CLTC: variants seen among roughly 807,000 people sequenced by gnomAD.
CLTC encodes clathrin heavy chain 1.
In CLTC, 16 loss-of-function variants were observed where a neutral mutation model predicts 195.8. That is an observed-to-expected ratio of 0.08 (90% CI 0.06 to 0.12). The LOEUF is 0.12. CLTC is among the 10% of genes least tolerant of loss of function. The pLI is 1.00. For synonymous variants in CLTC, 667 were observed against 689.4 expected, an observed-to-expected ratio of 0.97 and a Z score of 0.51; for missense variants, 796 against 2,027.0, an observed-to-expected ratio of 0.39 and a Z score of 11.66.
chr17:59,681,858 T>C lies in CLTC; in HGVS notation c.3442+19T>C, dbSNP rs2033088151. On this transcript the variant is annotated intron_variant, in intron 21 of 31. Coordinates refer to ENST00000269122, the MANE Select transcript of CLTC (RefSeq NM_004859.4). This position sits in a 1 kb window ranked among gnomAD's most constrained non-coding sequence, Gnocchi z 5.0. ...ACTAGTGGTATGACTTCTTACCTTA[T>C]GTATTGAAACCTCATAAAATGATTA... 3 of 1,586,044 alleles carry C rather than the reference T, an allele frequency of 1.9e-6. No individual in the cohort carries two copies. The highest frequency in any genetic ancestry group is 2.6e-6 in the Non-Finnish European group (3 of 1,162,234).
In CLTC at chr17:59,696,549, A is replaced by AG. The variant is rs2033430960; in HGVS notation, c.*2697_*2698insG. ...TTAAATAGTTTCTAACAAGATGACTATCAGGAAGCTATGTGGCTTGGGGAG... is the reference window on the plus strand; with the variant it reads ...TTAAATAGTTTCTAACAAGATGACTAGTCAGGAAGCTATGTGGCTTGGGGAG... On this transcript the variant is annotated 3_prime_UTR_variant, in exon 32 of 32. Coordinates refer to ENST00000269122, the MANE Select transcript of CLTC (RefSeq NM_004859.4). 2 of 212,018 alleles carry AG rather than the reference A, an allele frequency of 9.4e-6. No homozygotes were observed. Among genetic ancestry groups the AG allele is most frequent in the Admixed American group, 1.2e-4 (2 of 17,096 alleles). 13.1% of individuals were successfully genotyped at this position (212,018 alleles called of 1,614,324 possible).
chr17:59,619,921 C>G lies in CLTC; in HGVS notation c.-211C>G. 1 of 540,128 alleles carries G rather than the reference C, an allele frequency of 1.9e-6. No individual in the cohort carries two copies. The highest frequency in any genetic ancestry group is 3.3e-6 in the Non-Finnish European group (1 of 301,238). 33.5% of individuals were successfully genotyped at this position (540,128 alleles called of 1,614,324 possible). ...GCCGTTTCCGGAGTCTGCGCTGCGC[C>G]CGGTTCCGCCATTGCGGCTCTCCTG... On this transcript the variant is annotated 5_prime_UTR_variant, in exon 1 of 32. Coordinates refer to ENST00000269122, the MANE Select transcript of CLTC (RefSeq NM_004859.4).
intron 14 of CLTC, among the ~76,000 whole-genome samples, chr17:59,670,282 T>C (rs1197257962): frequency 7.8e-6 from 1 of 128,568 alleles, no homozygotes; most frequent in African/African-American, 2.6e-5. Context: ...GTTGGGTTTT[T>C]TTTTTTGTTT....
In CLTC at chr17:59,666,525, C is replaced by T; in HGVS notation, c.1828C>T (p.Arg610Trp). The change falls in exon 12 of 32, where the codon CGG becomes TGG. Residue 610 changes from arginine to tryptophan, a missense_variant. By Grantham distance (101) the Arg-to-Trp change is moderately radical. Coordinates refer to ENST00000269122, the MANE Select transcript of CLTC (RefSeq NM_004859.4). This position sits in a 1 kb window ranked among gnomAD's most constrained non-coding sequence, Gnocchi z 4.9. Reference sequence around the variant, plus strand: ...CAATCAGATGTTCACACATTATGACCGGGCTCATATTGCTCAACTGTGTGA... The same window carrying T: ...CAATCAGATGTTCACACATTATGACTGGGCTCATATTGCTCAACTGTGTGA... ...LGNQMFTHYD[R>W]AHIAQLCEKA... is the part of the protein sequence containing the mutation. 3 of 1,614,016 alleles carry T rather than the reference C, an allele frequency of 1.9e-6. No homozygotes were observed. Among genetic ancestry groups the T allele is most frequent in the Non-Finnish European group, 1.7e-6 (2 of 1,179,970 alleles).
chr17:59,643,698 C>G (rs920417809), intron 1 of CLTC, among the ~76,000 whole-genome samples: 27 of 152,164 alleles, frequency 1.8e-4, no homozygotes, highest in African/African-American at 5.8e-4. Context: ...TGAGAATTCT[C>G]TCGCCTGCCT....
Position 59,647,591 on chromosome 17 carries a change from T to G in CLTC, c.444T>G (p.Leu148=). 1 of 1,614,154 alleles carries G rather than the reference T, an allele frequency of 6.2e-7. No individual in the cohort carries two copies. ...AAATGTTTGATCGCCATTCTAGCCT[T>G]GCAGGGTGCCAGATTATCAATTACC... ...PVKMFDRHSS[L]AGCQIINYRT... is the part of the protein sequence containing the mutation. The change falls in exon 3 of 32, where the codon CTT becomes CTG. Residue 148 remains leucine (L), a synonymous_variant. Transcript: ENST00000269122.
intron 31 of CLTC, among the ~76,000 whole-genome samples, chr17:59,692,886 C>T (rs955730409): frequency 3.3e-5 from 5 of 152,168 alleles, no homozygotes; most frequent in African/African-American, 9.7e-5. Context: ...GATCCACCCT[C>T]CTCGGCCTCC....
intron 1 of CLTC, among the ~76,000 whole-genome samples, chr17:59,630,524 AT>A (rs1452312531): frequency 6.6e-6 from 1 of 152,044 alleles, no homozygotes; most frequent in Non-Finnish European, 1.5e-5. Context: ...GTTCCAAGAC[AT>A]TTTCATCTCC....
chr17:59,691,495 A>G (rs2033297034), intron 31 of CLTC, among the ~76,000 whole-genome samples: 1 of 151,938 alleles, frequency 6.6e-6, no homozygotes, highest in African/African-American at 2.4e-5. Flanking sequence ...GTGGTGGCAC[A>G]TGCCTGTAGT....
At chr17:59,689,281 A>G (rs957342713) in intron 30 of CLTC, 5 of 152,194 alleles carry the variant, frequency 3.3e-5, no homozygotes, top group Admixed American at 1.3e-4. Flanking sequence ...ATATGAAACA[A>G]TTAAATATAA....
chr17:59,632,328 A>T (rs2031745873), intron 1 of CLTC, among the ~76,000 whole-genome samples: 1 of 148,784 alleles, frequency 6.7e-6, no homozygotes, highest in African/African-American at 2.5e-5. Flanking sequence ...AGATAGCTCC[A>T]CTGCACTCCA....
chr17:59,683,907 G>A lies in CLTC; in HGVS notation c.4356G>A (p.Leu1452=). 1 of 1,613,828 alleles carries A rather than the reference G, an allele frequency of 6.2e-7. No individual in the cohort carries two copies. Among genetic ancestry groups the A allele is most frequent in the African/African-American group, 1.3e-5 (1 of 75,026 alleles). The change falls in exon 28 of 32, where the codon TTG becomes TTA. Residue 1452 remains leucine, a synonymous_variant. Transcript: ENST00000269122. This position sits in a 1 kb window ranked among gnomAD's most constrained non-coding sequence, Gnocchi z 6.1. The part of the protein sequence containing the change: ...VKQLPLVKPY[L]RSVQNHNNKS... ...AGCTACCACTGGTGAAACCGTATTT[G>A]CGTTCAGTTCAGAACCATAACAACA... is the stretch of plus-strand genomic sequence containing the variant.
intron 1 of CLTC, among the ~76,000 whole-genome samples, chr17:59,623,694 T>C (rs1241600269): frequency 6.6e-6 from 1 of 152,260 alleles, no homozygotes; most frequent in African/African-American, 2.4e-5. Flanking sequence ...ATTCAAATTA[T>C]ATTTAACAAG....
Position 59,694,062 on chromosome 17 carries a change from G to T in CLTC, c.*210G>T, listed in dbSNP as rs1464746445. The T allele has an allele frequency of 1.7e-5, 7 of 410,960 alleles. No individual in the cohort carries two copies. Among genetic ancestry groups the T allele is most frequent in the South Asian group, 5.5e-5 (1 of 18,254 alleles). 25.5% of individuals were successfully genotyped at this position (410,960 alleles called of 1,614,324 possible). A position where few individuals can be genotyped will look rare whatever the true frequency, so the allele number is the denominator to read the frequency against. ...TCATTTTAGAATTTATTTTCGAAGG[G>T]GAATAGTTTCAATGTTTTATTCACT... On this transcript the variant is annotated 3_prime_UTR_variant, in exon 32 of 32. Transcript: ENST00000269122.
intron 4 of CLTC, among the ~76,000 whole-genome samples, chr17:59,650,059 AATGAAGGATGATGAGACCCTATAAC>A (rs1249931232): frequency 6.6e-5 from 10 of 152,156 alleles, no homozygotes; most frequent in Non-Finnish European, 5.9e-5. Context: ...TAGTCATCCT[AATGAAGGATGATGAGACCCTATAAC>A]ATTCATATGG....
intron 28 of CLTC, 83 bp downstream of exon 28, chr17:59,684,068 A>G: frequency 1.2e-6 from 1 of 867,282 alleles, no homozygotes; most frequent in South Asian, 1.6e-5. Context: ...ATTATCCTTT[A>G]GGATTGTAAA....
At chr17:59,654,305 A>C in intron 5 of CLTC, among the ~76,000 whole-genome samples, 1 of 150,188 alleles carries the variant, frequency 6.7e-6, no homozygotes, top group East Asian at 2.0e-4. Context: ...CCTCCCATGT[A>C]GCTGGGATTA....
At chr17:59,623,500 A>G (rs549132270) in intron 1 of CLTC, among the ~76,000 whole-genome samples, 2 of 152,374 alleles carry the variant, frequency 1.3e-5, no homozygotes, top group African/African-American at 4.8e-5. Flanking sequence ...GTGTGTATGT[A>G]GAACACAATC....
chr17:59,631,384 A>T (rs73331139), intron 1 of CLTC, among the ~76,000 whole-genome samples: 6,771 of 152,284 alleles, frequency 0.044, 418 homozygotes, highest in African/African-American at 0.14. Flanking sequence ...GTAGCTGCTC[A>T]GGCATTTTTT....
Sources: gnomAD v4.1 joint callset for allele counts (sites outside exome capture counted in the v4.1 genomes callset) on GRCh38, gnomAD v4.1.1 for gene constraint, Gnocchi (gnomAD v3.1) non-coding constraint, MANE v1.5 for transcripts, NCBI Gene and HGNC (gene_info 2026-07-23, HGNC 2026-07-21) for gene names.